The following AHI1 variants were observed in gnomAD, a reference collection of about 807,000 sequenced individuals.
The protein encoded by AHI1 is Abelson helper integration site 1, also known as jouberin.
Under a neutral mutation model 149.3 loss-of-function variants are expected in AHI1, and 123 were observed. The observed-to-expected ratio is 0.82, with a 90% CI of 0.71 to 0.96. The LOEUF is 0.96. AHI1 is among the 40% of genes least tolerant of loss of function. AHI1 has a pLI of 0.00. For synonymous variants in AHI1, 475 were observed against 459.8 expected (o/e 1.03, Z -0.42); for missense variants, 1,439 against 1,422.7 (o/e 1.01, Z -0.18).
chr6:135,473,420 C>G (rs1280606139), intron 5 of AHI1, among the ~76,000 whole-genome samples: 2 of 152,078 alleles, frequency 1.3e-5, no homozygotes, highest in African/African-American at 4.8e-5. Context: ...TTTGGCTGTT[C>G]TAGGTCTGTT....
At chr6:135,328,192 T>C (rs1787998438) in intron 24 of AHI1, among the ~76,000 whole-genome samples, 1 of 152,194 alleles carries the variant, frequency 6.6e-6, no homozygotes, top group African/African-American at 2.4e-5. Context: ...ATCTAGCTGG[T>C]CATGGAAGTC....
At chr6:135,461,287 C>A (rs548453686) in intron 8 of AHI1, among the ~76,000 whole-genome samples, 1 of 151,902 alleles carries the variant, frequency 6.6e-6, no homozygotes, top group South Asian at 2.1e-4. Flanking sequence ...ATGTCAAAAT[C>A]TAAGTAGTTA....
rs1293033024 is a variant in AHI1, at chr6:135,297,641, A to G, written c.3485+2859T>C. The G allele has an allele frequency of 1.1e-5, 4 of 366,334 alleles. No individual in the cohort carries two copies. In the Admixed American group the frequency reaches 1.2e-4, roughly 11 times the overall value. 22.7% of individuals were successfully genotyped at this position (366,334 alleles called of 1,614,324 possible). ...CTAGCTCACTGCTGGGCACACTGTG[A>G]GGTCACACACATGACAATAAATGCC... is the stretch of plus-strand genomic sequence containing the variant. On this transcript the variant is annotated intron_variant, in intron 27 of 28. Transcript: ENST00000265602.
At chr6:135,451,254 C>T (rs1236571259) in intron 11 of AHI1, among the ~76,000 whole-genome samples, 1 of 152,174 alleles carries the variant, frequency 6.6e-6, no homozygotes, top group African/African-American at 2.4e-5. Flanking sequence ...ACCTCACCTC[C>T]CAGCGTGCTG....
intron 24 of AHI1, among the ~76,000 whole-genome samples, chr6:135,325,961 A>T (rs78442424): frequency 0.023 from 3,460 of 152,286 alleles, 63 homozygotes; most frequent in East Asian, 0.054. Context: ...TGAATTTTAC[A>T]CACAGGGGTG....
At chr6:135,336,980 CTAAAA>C (rs984961098) in intron 24 of AHI1, among the ~76,000 whole-genome samples, 8 of 152,118 alleles carry the variant, frequency 5.3e-5, no homozygotes, top group Admixed American at 5.2e-4. Flanking sequence ...TAACTATAAA[CTAAAA>C]TAACTGTTAT....
At chr6:135,475,797 G>C (rs547880033) in intron 5 of AHI1, among the ~76,000 whole-genome samples, 11 of 152,186 alleles carry the variant, frequency 7.2e-5, no homozygotes, top group African/African-American at 2.7e-4. Flanking sequence ...ATTTTAATCT[G>C]TATCCTTTTA....
intron 20 of AHI1, among the ~76,000 whole-genome samples, chr6:135,416,038 T>C (rs1192734790): frequency 3.3e-5 from 5 of 152,116 alleles, no homozygotes; most frequent in Admixed American, 6.6e-5. Context: ...GGGGATGAAA[T>C]ATGTTCATTA....
chr6:135,313,930 A>T (rs1302667907), intron 26 of AHI1, among the ~76,000 whole-genome samples: 1 of 152,222 alleles, frequency 6.6e-6, no homozygotes, highest in African/African-American at 2.4e-5. Context: ...AGTCAGGGAC[A>T]TGAGAAAAAT....
At chr6:135,400,911 A>G (rs889358802) in intron 22 of AHI1, among the ~76,000 whole-genome samples, 7 of 152,062 alleles carry the variant, frequency 4.6e-5, no homozygotes, top group African/African-American at 1.7e-4. Flanking sequence ...GAAGCCCCCA[A>G]AATCATCTTT....
At chr6:135,487,879 C>G (rs1414093648) in intron 5 of AHI1, among the ~76,000 whole-genome samples, 1 of 151,982 alleles carries the variant, frequency 6.6e-6, no homozygotes, top group Non-Finnish European at 1.5e-5. Context: ...AGAAATGGTA[C>G]TACATCTTTA....
intron 18 of AHI1, 93 bp downstream of exon 18, chr6:135,429,788 CT>C: frequency 1.3e-6 from 1 of 740,962 alleles, no homozygotes. Context: ...GGGGACACTG[CT>C]TAGTTGAGAA....
chr6:135,440,936 A>C (rs965927422), intron 14 of AHI1, among the ~76,000 whole-genome samples: 5 of 152,162 alleles, frequency 3.3e-5, no homozygotes, highest in Admixed American at 3.3e-4. Context: ...AATGGAAAAA[A>C]CAGGAAAGAG....
intron 14 of AHI1, 27 bp downstream of exon 14, chr6:135,442,555 G>T (rs1486067911): frequency 1.9e-6 from 3 of 1,588,704 alleles, no homozygotes; most frequent in Non-Finnish European, 2.6e-6. Flanking sequence ...ACTACAATCA[G>T]ATTAAACAGG....
At position 135,323,168 on chromosome 6, in the gene AHI1, T is replaced by C; in HGVS notation, c.3322A>G (p.Ser1108Gly). 1.2e-6 allele frequency: 2 copies of C among 1,608,474 alleles called. No homozygotes were observed. The highest frequency in any genetic ancestry group is 1.1e-5 in the South Asian group (1 of 90,452). Reference protein sequence around the residue: ...EGYFPANHVASETLYQELPPE... With the variant: ...EGYFPANHVAGETLYQELPPE... ...AAGGGAGCATAAAACTTACTTTCAC[T>C]AGCCACATGATTAGCTGGAAAATAA... The change falls in exon 25 of 29, where the codon AGT becomes GGT. Residue 1108 changes from serine to glycine, a missense_variant. Coordinates refer to ENST00000265602, the MANE Select transcript of AHI1 (RefSeq NM_001134831.2).
At chr6:135,342,972 A>T (rs750197818) in intron 24 of AHI1, among the ~76,000 whole-genome samples, 31 of 151,668 alleles carry the variant, frequency 2.0e-4, no homozygotes, top group Non-Finnish European at 3.5e-4. Flanking sequence ...CCCGGATCGG[A>T]AAGGAGAAGT....
chr6:135,317,556 A>G (rs1235449209), intron 26 of AHI1, among the ~76,000 whole-genome samples: 1 of 151,404 alleles, frequency 6.6e-6, no homozygotes. Flanking sequence ...TGTGTTCCCA[A>G]TATACTGTGT....
intron 27 of AHI1, among the ~76,000 whole-genome samples, chr6:135,294,211 A>T (rs1782763461): frequency 6.6e-6 from 1 of 152,092 alleles, no homozygotes; most frequent in African/African-American, 2.4e-5. Flanking sequence ...CTGTAATCCC[A>T]GCTACTCAGG....
intron 27 of AHI1, among the ~76,000 whole-genome samples, chr6:135,290,772 G>C (rs1439562666): frequency 6.6e-6 from 1 of 152,076 alleles, no homozygotes; most frequent in Non-Finnish European, 1.5e-5. Flanking sequence ...ATGATAAAGG[G>C]ACAAGAATAA....
Sources: gnomAD v4.1 joint callset for allele counts (sites outside exome capture counted in the v4.1 genomes callset) on GRCh38, gnomAD v4.1.1 for gene constraint, MANE v1.5 for transcripts, NCBI Gene and HGNC (gene_info 2026-07-23, HGNC 2026-07-21) for gene names.